Variants in SAMD3 observed in about 807,000 individuals in gnomAD.
SAMD3 encodes the protein sterile alpha motif domain containing 3.
SAMD3 carries 63 observed loss-of-function variants against 58.5 expected under a neutral mutation model. The ratio of observed to expected loss-of-function variants is 1.08; its 90% confidence interval spans 0.88 to 1.33. The LOEUF is 1.33. SAMD3 is among the 40% of genes most tolerant of loss of function. The pLI, the probability that SAMD3 is intolerant of heterozygous loss-of-function variation, is 0.00. For missense variants in SAMD3, 604 were observed against 608.4 expected, an observed-to-expected ratio of 0.99 and a Z score of 0.08; for synonymous variants, 220 against 210.3, an observed-to-expected ratio of 1.05 and a Z score of -0.40.
At chr6:130,321,594 C>G (rs1055967158) in intron 1 of SAMD3, among the ~76,000 whole-genome samples, 1 of 152,158 alleles carries the variant, frequency 6.6e-6, no homozygotes, top group Admixed American at 6.5e-5. Context: ...ATACAATTCC[C>G]AGTACTCATT....
intron 4 of SAMD3, among the ~76,000 whole-genome samples, 196 bp downstream of exon 4, chr6:130,214,141 A>T (rs1795819345): frequency 6.6e-6 from 1 of 152,146 alleles, no homozygotes; most frequent in Admixed American, 6.5e-5. Context: ...TCCATGTTTA[A>T]AAAATGGTGA....
At chr6:130,285,570 G>T (rs1278553566) in intron 2 of SAMD3, among the ~76,000 whole-genome samples, 1 of 152,120 alleles carries the variant, frequency 6.6e-6, no homozygotes, top group African/African-American at 2.4e-5. Context: ...ATATGCTAAG[G>T]GTGGAGGATG....
At chr6:130,157,783 C>T (rs549266954) in intron 8 of SAMD3, among the ~76,000 whole-genome samples, 123 of 151,884 alleles carry the variant, frequency 8.1e-4, no homozygotes, top group African/African-American at 2.5e-3. Context: ...AAGATAGAAA[C>T]GAAATTGTCA....
intron 5 of SAMD3, among the ~76,000 whole-genome samples, chr6:130,196,860 G>A (rs55797406): frequency 0.072 from 10,975 of 151,962 alleles, 310 homozygotes; most frequent in African/African-American, 0.092. Context: ...GAAGGCCACC[G>A]CAGTCATTTC....
Position 130,180,287 on chromosome 6 carries a change from ATTTTTTTTTTTT to A in SAMD3, c.654+3804_654+3815del, listed in dbSNP as rs56155412. On this transcript the variant is annotated intron_variant, in intron 7 of 11. Coordinates refer to ENST00000439090, the MANE Select transcript of SAMD3 (RefSeq NM_001017373.4). ...AGGCTCATGCCACCATACCTGGCTAATTTTTTTTTTTTTTTTTTTTTTTTTTTTGTAGGGATG... is the reference window on the plus strand; with the variant it reads ...AGGCTCATGCCACCATACCTGGCTAATTTTTTTTTTTTTTTTGTAGGGATG... Among the ~76,000 whole-genome samples, 17 of 69,418 alleles carry A rather than the reference ATTTTTTTTTTTT, an allele frequency of 2.4e-4. 1 individual carries two copies. Among genetic ancestry groups the A allele is most frequent in the African/African-American group, 9.5e-4 (16 of 16,880 alleles). The allele number at this position is 69,418 out of a possible 152,430, so 45.5% of individuals were successfully genotyped here.
chr6:130,249,290 T>C (rs1047129243), intron 2 of SAMD3, among the ~76,000 whole-genome samples: 5 of 152,214 alleles, frequency 3.3e-5, no homozygotes, highest in African/African-American at 9.6e-5. Context: ...TTTACACCTA[T>C]TGTCTTAATC....
intron 2 of SAMD3, among the ~76,000 whole-genome samples, chr6:130,309,581 T>C (rs986830566): frequency 4.6e-5 from 7 of 152,200 alleles, no homozygotes; most frequent in Non-Finnish European, 1.0e-4. Flanking sequence ...TGTGGTCCTC[T>C]TGAAGTGCTT....
chr6:130,278,655 G>C (rs1774869683), intron 2 of SAMD3, among the ~76,000 whole-genome samples: 1 of 152,140 alleles, frequency 6.6e-6, no homozygotes, highest in Non-Finnish European at 1.5e-5. Context: ...CACAGTGGAG[G>C]AAGGGTGAAA....
At chr6:130,280,845 A>G (rs1774956278) in intron 2 of SAMD3, among the ~76,000 whole-genome samples, 1 of 152,184 alleles carries the variant, frequency 6.6e-6, no homozygotes, top group Non-Finnish European at 1.5e-5. Flanking sequence ...GCTAATTATG[A>G]TATGTGTAAT....
At chr6:130,205,777 C>T (rs985541861) in intron 5 of SAMD3, among the ~76,000 whole-genome samples, 10 of 152,224 alleles carry the variant, frequency 6.6e-5, no homozygotes, top group South Asian at 2.1e-4. Context: ...CAGTCAAGCA[C>T]GAGATTAAGT....
At position 130,180,178 on chromosome 6, in the gene SAMD3, T is replaced by G. The variant is rs368504895; in HGVS notation, c.654+3925A>C. On this transcript the variant is annotated intron_variant, in intron 7 of 11. Transcript: ENST00000439090. ...CTCTGTCATCCAGGCCGGAGTGCAG[T>G]AGTGCAATCATAGCTCACTGCTGTC... Among the ~76,000 whole-genome samples, 19 of 151,868 alleles carry G rather than the reference T, an allele frequency of 1.3e-4. 1 individual carries two copies. The highest frequency in any genetic ancestry group is 3.9e-4 in the East Asian group (2 of 5,164).
intron 2 of SAMD3, among the ~76,000 whole-genome samples, chr6:130,265,877 C>T (rs1774329039): frequency 1.3e-5 from 2 of 152,086 alleles, no homozygotes; most frequent in Admixed American, 1.3e-4. Flanking sequence ...AAGAAAGAGG[C>T]TATATGGCAG....
At chr6:130,359,685 G>A (rs932910901) in intron 1 of SAMD3, among the ~76,000 whole-genome samples, 4 of 152,146 alleles carry the variant, frequency 2.6e-5, no homozygotes, top group Admixed American at 6.5e-5. Context: ...GCTCTCACTC[G>A]CTCATTTCTA....
intron 2 of SAMD3, among the ~76,000 whole-genome samples, chr6:130,284,949 C>T (rs1775106263): frequency 6.6e-6 from 1 of 152,126 alleles, no homozygotes; most frequent in African/African-American, 2.4e-5. Context: ...GTAGAGTAAG[C>T]AGACATGTAA....
intron 1 of SAMD3, among the ~76,000 whole-genome samples, chr6:130,350,763 A>C (rs1777629539): frequency 6.6e-6 from 1 of 152,224 alleles, no homozygotes; most frequent in African/African-American, 2.4e-5. Flanking sequence ...CACATTGCCA[A>C]GACAATCTTA....
At chr6:130,230,627 A>G (rs961276625) in intron 2 of SAMD3, among the ~76,000 whole-genome samples, 3 of 152,146 alleles carry the variant, frequency 2.0e-5, no homozygotes, top group African/African-American at 7.2e-5. Flanking sequence ...ACCTCAGGTG[A>G]TCCACCTGCC....
chr6:130,175,575 C>T (rs552621519), intron 8 of SAMD3, among the ~76,000 whole-genome samples: 2 of 151,814 alleles, frequency 1.3e-5, no homozygotes, highest in Non-Finnish European at 2.9e-5. Context: ...TTCAAGGACT[C>T]GAACTTAAGG....
chr6:130,178,274 G>A (rs897595313), intron 7 of SAMD3, among the ~76,000 whole-genome samples: 5 of 152,086 alleles, frequency 3.3e-5, no homozygotes, highest in South Asian at 2.1e-4. Context: ...CCACGCGCCC[G>A]GCTGGCCCAA....
At chr6:130,362,401 GGCC>G (rs1562541793) in intron 1 of SAMD3, among the ~76,000 whole-genome samples, 1 of 152,124 alleles carries the variant, frequency 6.6e-6, no homozygotes. Flanking sequence ...GGAACAGGTG[GGCC>G]ACCACTACCA....
Sources: gnomAD v4.1 joint callset for allele counts (sites outside exome capture counted in the v4.1 genomes callset) on GRCh38, gnomAD v4.1.1 for gene constraint, MANE v1.5 for transcripts, NCBI Gene and HGNC (gene_info 2026-07-23, HGNC 2026-07-21) for gene names.